TMEM132D: variants seen among roughly 807,000 people sequenced by gnomAD.
TMEM132D encodes transmembrane protein 132D.
A neutral mutation model predicts 62.3 loss-of-function variants in TMEM132D; 21 were observed. The observed-to-expected ratio is 0.34, with a 90% confidence interval of 0.24 to 0.49. The LOEUF is 0.49. Ranked by LOEUF, TMEM132D falls within the 20% of genes least tolerant of loss-of-function variation. The probability of loss-of-function intolerance (pLI) is 0.99; values close to 1 mark genes in which losing one functional copy is unlikely to be tolerated. For missense variants in TMEM132D, 1,346 were observed against 1,402.8 expected, an observed-to-expected ratio of 0.96 and a Z score of 0.65; for synonymous variants, 621 against 575.6, an observed-to-expected ratio of 1.08 and a Z score of -1.13.
At chr12:129,828,628 GT>G (rs1302352023) in intron 1 of TMEM132D, among the ~76,000 whole-genome samples, 1 of 127,948 alleles carries the variant, frequency 7.8e-6, no homozygotes, top group East Asian at 2.7e-4. Flanking sequence ...CTAATGAGAA[GT>G]AAGGAAGAAG....
intron 1 of TMEM132D, among the ~76,000 whole-genome samples, chr12:129,820,743 C>G (rs558159567): frequency 6.6e-6 from 1 of 152,104 alleles, no homozygotes; most frequent in African/African-American, 2.4e-5. Flanking sequence ...ACAAACTGTT[C>G]CTCAAATTTT....
intron 5 of TMEM132D, among the ~76,000 whole-genome samples, chr12:129,158,385 GA>G (rs5801838): frequency 0.62 from 93,095 of 151,144 alleles, 29,056 homozygotes; most frequent in Non-Finnish European, 0.67. Context: ...AGGTTTTTGA[GA>G]AAAAAAAAAT....
chr12:129,381,158 G>A (rs1870940658), intron 3 of TMEM132D, among the ~76,000 whole-genome samples: 1 of 152,170 alleles, frequency 6.6e-6, no homozygotes, highest in Admixed American at 6.5e-5. Flanking sequence ...AATTCCAGAA[G>A]CCCACTGTAT....
At chr12:129,472,532 T>C (rs1025296512) in intron 3 of TMEM132D, among the ~76,000 whole-genome samples, 1 of 152,096 alleles carries the variant, frequency 6.6e-6, no homozygotes, top group East Asian at 1.9e-4. Flanking sequence ...CAAACCACTA[T>C]GGCAGGTGTA....
At position 129,463,729 on chromosome 12, in the gene TMEM132D, G is replaced by GT. The variant is rs1242607073; in HGVS notation, c.1115+67329dup. Among the ~76,000 whole-genome samples the GT allele has an allele frequency of 9.7e-3, 1,472 of 152,028 alleles. 30 individuals are homozygous for GT. The highest frequency in any genetic ancestry group is 0.033 in the African/African-American group (1,383 of 41,430). On this transcript the variant is annotated intron_variant, in intron 3 of 8. Transcript: ENST00000422113. ...TATGAGTGAGAACATGCGGTGTTCG[G>GT]TTTTTTGTCCTTGCAATAGTTTGCT...
chr12:129,349,001 C>T (rs554643017), intron 3 of TMEM132D, among the ~76,000 whole-genome samples: 46 of 152,332 alleles, frequency 3.0e-4, no homozygotes, highest in African/African-American at 1.1e-3. Context: ...CAAAACTGTA[C>T]TGTCAAGGGG....
intron 4 of TMEM132D, among the ~76,000 whole-genome samples, chr12:129,305,122 C>T (rs1187371943): frequency 1.3e-5 from 2 of 152,194 alleles, no homozygotes; most frequent in Non-Finnish European, 2.9e-5. Context: ...AGAGCAGGGA[C>T]TTTACCAGCC....
At chr12:129,406,199 G>T (rs1427600505) in intron 3 of TMEM132D, among the ~76,000 whole-genome samples, 1 of 152,170 alleles carries the variant, frequency 6.6e-6, no homozygotes. Flanking sequence ...CATTCACCAA[G>T]TGAATGAGAC....
At chr12:129,427,427 G>A (rs1224059362) in intron 3 of TMEM132D, among the ~76,000 whole-genome samples, 1 of 147,694 alleles carries the variant, frequency 6.8e-6, no homozygotes, top group Non-Finnish European at 1.5e-5. Context: ...GAGGGGGCAG[G>A]GATAGCATTA....
intron 4 of TMEM132D, among the ~76,000 whole-genome samples, chr12:129,250,928 C>T (rs775239702): frequency 1.3e-5 from 2 of 152,144 alleles, no homozygotes; most frequent in African/African-American, 2.4e-5. Flanking sequence ...CAGGTGCGTA[C>T]GGTGGTATTG....
At chr12:129,577,270 C>T (rs1246603194) in intron 2 of TMEM132D, among the ~76,000 whole-genome samples, 3 of 151,846 alleles carry the variant, frequency 2.0e-5, no homozygotes, top group Non-Finnish European at 4.4e-5. Context: ...GCCAAAACAG[C>T]AGCAGGAGGC....
intron 1 of TMEM132D, among the ~76,000 whole-genome samples, chr12:129,773,530 A>G (rs900753693): frequency 1.3e-5 from 2 of 152,276 alleles, no homozygotes; most frequent in Non-Finnish European, 1.5e-5. Context: ...AGGCAAAGGA[A>G]CAATTAGTGC....
intron 1 of TMEM132D, among the ~76,000 whole-genome samples, chr12:129,739,278 T>C (rs1354190004): frequency 6.6e-6 from 1 of 152,108 alleles, no homozygotes; most frequent in African/African-American, 2.4e-5. Flanking sequence ...AACTTCACGC[T>C]CAGGGAAACA....
intron 5 of TMEM132D, among the ~76,000 whole-genome samples, chr12:129,167,895 T>C (rs12580771): frequency 0.036 from 5,425 of 152,114 alleles, 190 homozygotes; most frequent in East Asian, 0.13. Context: ...GCACTGAGCA[T>C]AAGGACTGGT....
chr12:129,140,775 G>A (rs572328449), intron 5 of TMEM132D, among the ~76,000 whole-genome samples: 1 of 151,212 alleles, frequency 6.6e-6, no homozygotes, highest in South Asian at 2.1e-4. Flanking sequence ...GGTGGTGGAG[G>A]TTGCTGTGAG....
chr12:129,279,181 A>G (rs1881077360), intron 4 of TMEM132D, among the ~76,000 whole-genome samples: 1 of 152,240 alleles, frequency 6.6e-6, no homozygotes, highest in African/African-American at 2.4e-5. Context: ...GGCAGTCTGC[A>G]GTTTTCAATT....
chr12:129,134,380 A>G (rs1876493283), intron 5 of TMEM132D, among the ~76,000 whole-genome samples: 1 of 152,082 alleles, frequency 6.6e-6, no homozygotes, highest in Non-Finnish European at 1.5e-5. Context: ...AACAGCATGG[A>G]ACTGTGGAGG....
chr12:129,689,084 C>G (rs960989257), intron 2 of TMEM132D, among the ~76,000 whole-genome samples: 10 of 152,136 alleles, frequency 6.6e-5, no homozygotes, highest in Non-Finnish European at 5.9e-5. Flanking sequence ...ACTATCCTCA[C>G]AACAAAATAT....
chr12:129,426,973 G>A (rs1027245251), intron 3 of TMEM132D, among the ~76,000 whole-genome samples: 4 of 152,204 alleles, frequency 2.6e-5, no homozygotes, highest in African/African-American at 4.8e-5. Flanking sequence ...AGGGCCTTGG[G>A]AAAGTCACTT....
Sources: allele counts gnomAD v4.1 joint callset (sites outside exome capture counted in the v4.1 genomes callset), GRCh38; gene constraint gnomAD v4.1.1; transcripts MANE v1.5; gene names NCBI Gene and HGNC (gene_info 2026-07-23, HGNC 2026-07-21).